Variants in TASP1 observed in about 807,000 individuals in gnomAD.
TASP1 encodes the protein threonine aspartase 1.
Under a neutral mutation model 56.6 loss-of-function variants are expected in TASP1, and 16 were observed. The observed-to-expected ratio is 0.28, with a 90% CI of 0.19 to 0.43. TASP1 has a LOEUF of 0.43. Among genes scored for constraint, TASP1 ranks in the 20% least tolerant of loss-of-function variants. TASP1 has a pLI of 1.00. For missense variants in TASP1, 393 were observed against 511.6 expected (o/e 0.77, Z 2.24); for synonymous variants, 179 against 184.2 (o/e 0.97, Z 0.23).
At chr20:13,480,966 A>G (rs2043118286) in intron 11 of TASP1, among the ~76,000 whole-genome samples, 1 of 151,488 alleles carries the variant, frequency 6.6e-6, no homozygotes, top group Admixed American at 6.6e-5. Flanking sequence ...ATCCAATTAC[A>G]CTCTTTTAGT....
At chr20:13,547,988 A>AC (rs2146987443) in intron 8 of TASP1, among the ~76,000 whole-genome samples, 1 of 152,270 alleles carries the variant, frequency 6.6e-6, no homozygotes, top group East Asian at 1.9e-4. Context: ...AATAGCTTAA[A>AC]GAGAGAGAAG....
chr20:13,557,290 C>T (rs562717624), intron 8 of TASP1, among the ~76,000 whole-genome samples: 2 of 152,052 alleles, frequency 1.3e-5, no homozygotes, highest in African/African-American at 4.8e-5. Context: ...AAGAATAAAT[C>T]GGTGATACAA....
downstream of TASP1, among the ~76,000 whole-genome samples, chr20:13,387,769 C>T (rs1163227312): frequency 6.6e-6 from 1 of 152,212 alleles, no homozygotes; most frequent in Non-Finnish European, 1.5e-5. Context: ...ACGTAATTTA[C>T]ATTGCCACCA....
At chr20:13,248,099 A>G in the TASP1 span, among the ~76,000 whole-genome samples, 1 of 152,210 alleles carries the variant, frequency 6.6e-6, no homozygotes, top group Non-Finnish European at 1.5e-5. Context: ...TGCGGAAGAA[A>G]TGAGCTAAAG....
At chr20:13,582,006 T>C (rs1490341851) in intron 5 of TASP1, among the ~76,000 whole-genome samples, 1 of 151,206 alleles carries the variant, frequency 6.6e-6, no homozygotes, top group Non-Finnish European at 1.5e-5. Context: ...AAACAAATCA[T>C]CAGTGGAATA....
chr20:13,603,355 T>C (rs144087984), intron 4 of TASP1, among the ~76,000 whole-genome samples: 71 of 151,162 alleles, frequency 4.7e-4, no homozygotes, highest in African/African-American at 1.6e-3. Context: ...CTGAGAAAAA[T>C]GGTGAAACTC....
At chr20:13,623,085 C>A (rs1286057080) in intron 4 of TASP1, among the ~76,000 whole-genome samples, 1 of 152,136 alleles carries the variant, frequency 6.6e-6, no homozygotes, top group Non-Finnish European at 1.5e-5. Context: ...ACTTTAGGCA[C>A]TTCTAGACAG....
At chr20:13,438,274 T>C (rs1299667511) in intron 11 of TASP1, among the ~76,000 whole-genome samples, 2,569 of 151,706 alleles carry the variant, frequency 0.017, 73 homozygotes, top group African/African-American at 0.057. Context: ...GCTACAGTAA[T>C]CAAAACAGCA....
At chr20:13,450,355 T>G (rs1008510074) in intron 11 of TASP1, among the ~76,000 whole-genome samples, 7 of 152,078 alleles carry the variant, frequency 4.6e-5, no homozygotes, top group Admixed American at 2.6e-4. Flanking sequence ...CTGCATTAAT[T>G]GACTTCCTTT....
intron 4 of TASP1, among the ~76,000 whole-genome samples, chr20:13,606,665 G>C (rs1338244939): frequency 1.3e-5 from 2 of 152,032 alleles, no homozygotes; most frequent in Non-Finnish European, 2.9e-5. Context: ...AAATTAGCTG[G>C]GCGTGGTAGT....
intron 10 of TASP1, among the ~76,000 whole-genome samples, chr20:13,498,150 A>T (rs1175830461): frequency 6.6e-6 from 1 of 152,186 alleles, no homozygotes; most frequent in Non-Finnish European, 1.5e-5. Context: ...TTTGCACAGC[A>T]AAAGAACCCA....
At chr20:13,512,254 C>G (rs955695310) in intron 10 of TASP1, among the ~76,000 whole-genome samples, 2 of 152,008 alleles carry the variant, frequency 1.3e-5, no homozygotes, top group African/African-American at 4.8e-5. Flanking sequence ...TCTCCACATC[C>G]TCTCCAGCAT....
intron 11 of TASP1, among the ~76,000 whole-genome samples, chr20:13,477,451 A>AGACAGAATATAGTCAAGAGAATGGT: frequency 6.6e-6 from 1 of 152,152 alleles, no homozygotes; most frequent in Non-Finnish European, 1.5e-5. Context: ...TATATTTAGT[A>AGACAGAATATAGTCAAGAGAATGGT]ATAAACAGAA....
chr20:13,475,318 C>T (rs908085061), intron 11 of TASP1, among the ~76,000 whole-genome samples: 2 of 152,108 alleles, frequency 1.3e-5, no homozygotes, highest in Non-Finnish European at 2.9e-5. Flanking sequence ...CTGATGGGTA[C>T]AGTTGCAAGG....
chr20:13,352,835 A>G, the TASP1 span, among the ~76,000 whole-genome samples: 4 of 152,190 alleles, frequency 2.6e-5, no homozygotes, highest in Non-Finnish European at 5.9e-5. Context: ...ACCACTCTCT[A>G]TATCTACAGA....
Position 13,390,374 on chromosome 20 carries a change from T to C in TASP1, c.1249A>G (p.Ser417Gly). The C allele has an allele frequency of 6.2e-7, 1 of 1,613,880 alleles. No individual in the cohort carries two copies. Among genetic ancestry groups the C allele is most frequent in the Non-Finnish European group, 8.5e-7 (1 of 1,179,932 alleles). The change falls in exon 14 of 14, where the codon AGC becomes GGC. Residue 417 changes from serine to glycine, a missense_variant. By Grantham distance (56) the Ser-to-Gly change is moderately conservative (BLOSUM62 0). Around this residue, in one of 3 missense-constraint regions of TASP1, gnomAD observed 293 missense variants for 354.2 expected, o/e 0.83. Transcript: ENST00000337743. ...AGCCTGAAGGGTCAGTTCACTGGGC[T>C]CTCCAGGCGGCACACCCCACCTTCG... ...AIEGGVCRLESPVN is the reference protein window; with the variant it reads ...AIEGGVCRLEGPVN
the TASP1 span, among the ~76,000 whole-genome samples, chr20:13,338,952 C>T: frequency 6.6e-6 from 1 of 152,218 alleles, no homozygotes. Context: ...CACACCCATG[C>T]ATGCACACAT....
chr20:13,509,124 A>AGTGT (rs71334125), intron 10 of TASP1, among the ~76,000 whole-genome samples: 14,051 of 142,714 alleles, frequency 0.098, 700 homozygotes, highest in Middle Eastern at 0.15. Context: ...GAATGAAGAA[A>AGTGT]GTGTGTGTGT....
the TASP1 span, among the ~76,000 whole-genome samples, chr20:13,309,350 G>C: frequency 6.6e-4 from 99 of 150,984 alleles, no homozygotes; most frequent in African/African-American, 2.2e-3. Context: ...GAGATGAAGA[G>C]AGTATTTGAC....
Sources: gnomAD v4.1 joint callset for allele counts (sites outside exome capture counted in the v4.1 genomes callset) on GRCh38, gnomAD v4.1.1 for gene constraint, gnomAD v4.1.1 regional missense constraint, MANE v1.5 for transcripts, NCBI Gene and HGNC (gene_info 2026-07-23, HGNC 2026-07-21) for gene names.